The following XKR9 variants were observed in gnomAD, a reference collection of about 807,000 sequenced individuals.
XKR9 encodes the protein XK related 9.
XKR9 carries 32 observed loss-of-function variants against 32.0 expected under a neutral mutation model. That is an observed-to-expected ratio of 1.00 (90% CI 0.76 to 1.34). The LOEUF is 1.34. Among genes scored for constraint, XKR9 ranks in the 40% most tolerant of loss-of-function variants. XKR9 has a pLI of 0.00. For synonymous variants in XKR9, 168 were observed against 143.4 expected, an observed-to-expected ratio of 1.17 and a Z score of -1.22; for missense variants, 546 against 429.7, an observed-to-expected ratio of 1.27 and a Z score of -2.39.
chr8:70,680,889 T>C lies in XKR9; in HGVS notation c.-170T>C. On this transcript the variant is annotated 5_prime_UTR_variant, in exon 3 of 5. Coordinates refer to ENST00000408926, the MANE Select transcript of XKR9 (RefSeq NM_001011720.2). ...AAAAGAAAGTCAAAATTAGTCACTTTAGTGTTAGTGTTCCCATTTCATAAT... is the reference window on the plus strand; with the variant it reads ...AAAAGAAAGTCAAAATTAGTCACTTCAGTGTTAGTGTTCCCATTTCATAAT... 1.8e-6 allele frequency: 1 copy of C among 566,808 alleles called. No individual in the cohort carries two copies. Among genetic ancestry groups the C allele is most frequent in the East Asian group, 3.0e-5 (1 of 33,186 alleles). 35.1% of individuals were successfully genotyped at this position (566,808 alleles called of 1,614,324 possible).
rs560192973 is a variant in XKR9 at position 70,726,792 on chromosome 8, T to G, written c.494-7004T>G. ...CAATAACATTTGCTTCTGGTGAGTA[T>G]TTTGAGAAAGTTAGCTAAAGCTTTA... On this transcript the variant is annotated intron_variant, in intron 4 of 4. Transcript: ENST00000408926. 1.2e-4 allele frequency among the ~76,000 whole-genome samples: 19 copies of G among 152,304 alleles called. 1 individual carries two copies. In the South Asian group the frequency reaches 2.9e-3, roughly 23 times the overall value.
the XKR9 span, among the ~76,000 whole-genome samples, chr8:70,814,167 A>G: frequency 1.3e-5 from 2 of 152,282 alleles, no homozygotes; most frequent in South Asian, 2.1e-4. Flanking sequence ...ACTGGAAACC[A>G]TCATTCTCAG....
chr8:70,855,611 C>T, the XKR9 span, among the ~76,000 whole-genome samples: 3 of 152,202 alleles, frequency 2.0e-5, no homozygotes, highest in Admixed American at 1.3e-4. Flanking sequence ...CGTTCAGATT[C>T]AGGAAATACA....
the XKR9 span, among the ~76,000 whole-genome samples, chr8:71,054,221 GT>G: frequency 1.3e-5 from 2 of 152,148 alleles, no homozygotes; most frequent in Non-Finnish European, 2.9e-5. Flanking sequence ...CAAAGTGTCA[GT>G]GTATTTCCCA....
At chr8:70,968,986 T>C in the XKR9 span, among the ~76,000 whole-genome samples, 2 of 152,156 alleles carry the variant, frequency 1.3e-5, no homozygotes, top group African/African-American at 4.8e-5. Flanking sequence ...TGCACCATGC[T>C]GGGGGAAACC....
intron 4 of XKR9, among the ~76,000 whole-genome samples, chr8:70,716,931 C>A (rs1806114174): frequency 6.6e-6 from 1 of 152,172 alleles, no homozygotes; most frequent in Admixed American, 6.5e-5. Flanking sequence ...TGAGTAAATA[C>A]ACCCATTCCA....
intron 2 of XKR9, among the ~76,000 whole-genome samples, chr8:70,678,968 A>G (rs7017914): frequency 0.4 from 61,301 of 152,052 alleles, 13,896 homozygotes; most frequent in Non-Finnish European, 0.52. Flanking sequence ...CCACAGACTT[A>G]TTAGCTTAAA....
At chr8:70,765,405 G>T (rs1175327803) in intron 2 of XKR9, among the ~76,000 whole-genome samples, 1 of 152,158 alleles carries the variant, frequency 6.6e-6, no homozygotes, top group Admixed American at 6.5e-5. Flanking sequence ...AGAAGTGTTT[G>T]TTCATATCTT....
the XKR9 span, among the ~76,000 whole-genome samples, chr8:70,801,577 G>A: frequency 6.6e-6 from 1 of 152,016 alleles, no homozygotes; most frequent in African/African-American, 2.4e-5. Context: ...TTGTGTTATG[G>A]CTGATTGTGT....
chr8:70,702,981 A>C (rs1805591779), intron 3 of XKR9, among the ~76,000 whole-genome samples: 1 of 151,964 alleles, frequency 6.6e-6, no homozygotes. Context: ...CCCTGTGAGG[A>C]ATATGTCTTT....
At chr8:71,000,547 T>TTA in the XKR9 span, among the ~76,000 whole-genome samples, 1 of 152,176 alleles carries the variant, frequency 6.6e-6, no homozygotes, top group African/African-American at 2.4e-5. Flanking sequence ...AAAGACTGGA[T>TTA]TATATAAAAT....
downstream of XKR9, among the ~76,000 whole-genome samples, chr8:70,792,584 A>G (rs1363598295): frequency 3.3e-5 from 5 of 152,140 alleles, no homozygotes; most frequent in African/African-American, 7.2e-5. Flanking sequence ...GAACACTGAC[A>G]TAAGAAGCAG....
the XKR9 span, among the ~76,000 whole-genome samples, chr8:70,831,642 CT>C: frequency 6.6e-6 from 1 of 151,808 alleles, no homozygotes; most frequent in Non-Finnish European, 1.5e-5. Context: ...TCATTTTTTT[CT>C]TTTCCTTTTT....
At chr8:70,726,955 G>A (rs1806490424) in intron 4 of XKR9, among the ~76,000 whole-genome samples, 1 of 151,902 alleles carries the variant, frequency 6.6e-6, no homozygotes, top group Admixed American at 6.6e-5. Context: ...TTACAGTCCT[G>A]ATTTGGATTT....
chr8:70,842,964 A>G, the XKR9 span, among the ~76,000 whole-genome samples: 3 of 152,252 alleles, frequency 2.0e-5, no homozygotes, highest in South Asian at 4.1e-4. Context: ...AAAAAAAAGA[A>G]GAATGGAGAC....
the XKR9 span, among the ~76,000 whole-genome samples, chr8:70,999,111 G>A: frequency 6.6e-6 from 1 of 152,054 alleles, no homozygotes; most frequent in Non-Finnish European, 1.5e-5. Context: ...ATGCCTAAAT[G>A]TTAGTGGGAA....
At chr8:70,849,180 A>T in the XKR9 span, among the ~76,000 whole-genome samples, 1 of 152,146 alleles carries the variant, frequency 6.6e-6, no homozygotes, top group East Asian at 1.9e-4. Context: ...TCTAAAATTG[A>T]CCACATGGTT....
chr8:70,728,073 T>C (rs1806535584), intron 4 of XKR9, among the ~76,000 whole-genome samples: 2 of 152,142 alleles, frequency 1.3e-5, no homozygotes, highest in South Asian at 4.1e-4. Flanking sequence ...GAAAGGCCTG[T>C]TATCTTTTTT....
At chr8:70,791,938 G>A (rs1232459514), downstream of XKR9, among the ~76,000 whole-genome samples, 1 of 151,986 alleles carries the variant, frequency 6.6e-6, no homozygotes, top group Non-Finnish European at 1.5e-5. Context: ...TTTCAGAGGG[G>A]CCAAGTGACT....
Sources: gnomAD v4.1 joint callset for allele counts (sites outside exome capture counted in the v4.1 genomes callset) on GRCh38, gnomAD v4.1.1 for gene constraint, MANE v1.5 for transcripts, NCBI Gene and HGNC (gene_info 2026-07-23, HGNC 2026-07-21) for gene names.